HS3ST4: variants seen among roughly 807,000 people sequenced by gnomAD.
The protein encoded by HS3ST4 is heparan sulfate-glucosamine 3-sulfotransferase 4.
In HS3ST4, 17 loss-of-function variants were observed where a neutral mutation model predicts 29.2. That is an observed-to-expected ratio of 0.58 (90% CI 0.40 to 0.87). The LOEUF (loss-of-function observed/expected upper bound fraction) is 0.87, where lower values mean the gene tolerates loss of function less well. Among genes scored for constraint, HS3ST4 ranks in the 40% least tolerant of loss-of-function variants. HS3ST4 has a pLI of 0.00. For synonymous variants in HS3ST4, 314 were observed against 285.7 expected, an observed-to-expected ratio of 1.10 and a Z score of -1.00; for missense variants, 627 against 634.5, an observed-to-expected ratio of 0.99 and a Z score of 0.13.
At chr16:25,907,290 C>T (rs1968188608) in intron 1 of HS3ST4, among the ~76,000 whole-genome samples, 1 of 152,106 alleles carries the variant, frequency 6.6e-6, no homozygotes, top group African/African-American at 2.4e-5. Context: ...AAGACTGAGA[C>T]TTGATGGCTA....
intron 1 of HS3ST4, among the ~76,000 whole-genome samples, chr16:25,895,740 AAG>A (rs71738802): frequency 0.39 from 58,154 of 148,844 alleles, 11,506 homozygotes; most frequent in East Asian, 0.64. Flanking sequence ...GAAAGAGGGA[AAG>A]AGAGAGAGAG....
At chr16:25,735,254 C>T (rs1966599778) in intron 1 of HS3ST4, among the ~76,000 whole-genome samples, 1 of 152,156 alleles carries the variant, frequency 6.6e-6, no homozygotes, top group Non-Finnish European at 1.5e-5. Flanking sequence ...TTTATATGTT[C>T]AGCTAACTAA....
intron 1 of HS3ST4, among the ~76,000 whole-genome samples, chr16:26,115,703 C>A (rs1414235988): frequency 6.6e-6 from 1 of 152,046 alleles, no homozygotes; most frequent in Admixed American, 6.6e-5. Flanking sequence ...TGCCTCAAGG[C>A]AGCATATCAA....
intron 1 of HS3ST4, among the ~76,000 whole-genome samples, chr16:25,959,112 G>A (rs1968767776): frequency 6.6e-6 from 1 of 152,138 alleles, no homozygotes; most frequent in Non-Finnish European, 1.5e-5. Flanking sequence ...GATTTTTAAG[G>A]GTTTTGGAGT....
At chr16:25,995,171 A>C (rs1969147531) in intron 1 of HS3ST4, among the ~76,000 whole-genome samples, 3 of 152,204 alleles carry the variant, frequency 2.0e-5, no homozygotes, top group Admixed American at 2.0e-4. Context: ...TATGGCCTTC[A>C]TCTTGGCTTT....
In HS3ST4 at chr16:25,696,734, C is replaced by T. The variant is rs548604590; in HGVS notation, c.734+3583C>T. On this transcript the variant is annotated intron_variant, in intron 1 of 1. Transcript: ENST00000331351. ...CTCAGGAAAATGCTCTACAAAGTCA[C>T]GCTTATGCTACCCAGAGGAAAATGG... 2.6e-5 allele frequency among the ~76,000 whole-genome samples: 4 copies of T among 152,292 alleles called. No individual in the cohort carries two copies. In the East Asian group the frequency reaches 5.8e-4, roughly 22 times the overall value.
chr16:26,082,316 C>T (rs1224182181), intron 1 of HS3ST4, among the ~76,000 whole-genome samples: 1 of 152,224 alleles, frequency 6.6e-6, no homozygotes, highest in Non-Finnish European at 1.5e-5. Flanking sequence ...TGTTATTTCT[C>T]AGTGGCTTGC....
intron 1 of HS3ST4, among the ~76,000 whole-genome samples, chr16:25,834,969 A>C (rs1209952733): frequency 6.6e-6 from 1 of 152,046 alleles, no homozygotes; most frequent in East Asian, 1.9e-4. Flanking sequence ...AAACACAAAA[A>C]ACAATAAACC....
chr16:25,904,928 C>T (rs1968165126), intron 1 of HS3ST4, among the ~76,000 whole-genome samples: 1 of 152,178 alleles, frequency 6.6e-6, no homozygotes, highest in African/African-American at 2.4e-5. Flanking sequence ...TAAATTTCCT[C>T]ATATGTGAAT....
At chr16:25,993,053 A>G (rs1969127795) in intron 1 of HS3ST4, among the ~76,000 whole-genome samples, 3 of 152,018 alleles carry the variant, frequency 2.0e-5, no homozygotes, top group Non-Finnish European at 4.4e-5. Flanking sequence ...GTCCAGCTGG[A>G]TGGATGTGGG....
intron 1 of HS3ST4, among the ~76,000 whole-genome samples, chr16:25,838,403 G>T (rs1241568174): frequency 2.0e-5 from 3 of 152,148 alleles, no homozygotes; most frequent in African/African-American, 7.2e-5. Flanking sequence ...GACATATGTG[G>T]CTGGTTCTAA....
intron 1 of HS3ST4, among the ~76,000 whole-genome samples, chr16:26,042,836 A>G (rs1156971568): frequency 6.6e-6 from 1 of 152,132 alleles, no homozygotes; most frequent in East Asian, 1.9e-4. Context: ...AATGTTTTAA[A>G]ATGCACAATT....
intron 1 of HS3ST4, among the ~76,000 whole-genome samples, chr16:25,918,204 T>C (rs548965474): frequency 1.3e-5 from 2 of 152,344 alleles, no homozygotes; most frequent in African/African-American, 4.8e-5. Flanking sequence ...AATAAAACAG[T>C]ATGCTGCCTC....
chr16:26,023,633 C>T (rs1210402067), intron 1 of HS3ST4, among the ~76,000 whole-genome samples: 3 of 151,840 alleles, frequency 2.0e-5, no homozygotes, highest in Non-Finnish European at 2.9e-5. Flanking sequence ...CTCAAACTCC[C>T]GGCCTCAAGT....
At chr16:25,719,433 T>C (rs1364967949) in intron 1 of HS3ST4, among the ~76,000 whole-genome samples, 1 of 152,238 alleles carries the variant, frequency 6.6e-6, no homozygotes, top group Non-Finnish European at 1.5e-5. Flanking sequence ...TGAATACTTT[T>C]GGCTGTAAGC....
intron 1 of HS3ST4, among the ~76,000 whole-genome samples, chr16:26,126,163 G>A (rs112735260): frequency 1.3e-5 from 2 of 152,138 alleles, no homozygotes; most frequent in African/African-American, 2.4e-5. Flanking sequence ...GGTCACATGG[G>A]ACTTGGCTTT....
rs138596075 is a variant in HS3ST4 at position 25,784,895 on chromosome 16, G to C, written c.734+91744G>C. Among the ~76,000 whole-genome samples the C allele has an allele frequency of 1.6e-4, 25 of 152,342 alleles. No homozygotes were observed. The East Asian group carries it at 4.8e-3, about 29-fold the overall frequency. On this transcript the variant is annotated intron_variant, in intron 1 of 1. Transcript: ENST00000331351. ...ATGCCATCTAGAACTTTCAGGGCTA[G>C]AGAGGAGAAGTCAATGCCTGGCTTC...
intron 1 of HS3ST4, among the ~76,000 whole-genome samples, chr16:25,948,589 C>T (rs772549224): frequency 6.6e-6 from 1 of 152,098 alleles, no homozygotes; most frequent in African/African-American, 2.4e-5. Flanking sequence ...ACAATATTGC[C>T]CAGTCTGTAC....
chr16:25,886,027 G>GCTTT (rs1967946492), intron 1 of HS3ST4, among the ~76,000 whole-genome samples: 1 of 82,760 alleles, frequency 1.2e-5, no homozygotes, highest in Admixed American at 1.7e-4. Flanking sequence ...TCTTACTGTG[G>GCTTT]TTTTTTTTTT....
Sources: gnomAD v4.1 joint callset for allele counts (sites outside exome capture counted in the v4.1 genomes callset) on GRCh38, gnomAD v4.1.1 for gene constraint, MANE v1.5 for transcripts, NCBI Gene and HGNC (gene_info 2026-07-23, HGNC 2026-07-21) for gene names.